The following RPP40 variants were observed in gnomAD, a reference collection of about 807,000 sequenced individuals.
The protein encoded by RPP40 is ribonuclease P protein subunit p40.
Under a neutral mutation model 42.5 loss-of-function variants are expected in RPP40, and 30 were observed. The ratio of observed to expected loss-of-function variants is 0.71; its 90% CI spans 0.53 to 0.96. The LOEUF is 0.96. Among genes scored for constraint, RPP40 ranks in the 40% least tolerant of loss-of-function variants. The pLI, the probability that RPP40 is intolerant of heterozygous loss-of-function variation, is 0.00. For synonymous variants in RPP40, 173 were observed against 164.0 expected (o/e 1.05, Z -0.42); for missense variants, 426 against 433.5 (o/e 0.98, Z 0.15).
At chr6:4,992,386 A>G (rs12333022), downstream of RPP40, among the ~76,000 whole-genome samples, 17,797 of 131,198 alleles carry the variant, frequency 0.14, 1,305 homozygotes, top group Non-Finnish European at 0.16. Flanking sequence ...AAAAAAAAAA[A>G]AAGAAGAAGA....
downstream of RPP40, among the ~76,000 whole-genome samples, chr6:4,993,614 G>A (rs1759291387): frequency 6.6e-6 from 1 of 152,066 alleles, no homozygotes; most frequent in African/African-American, 2.4e-5. Flanking sequence ...TTTTGCTTCT[G>A]CCAGTTACCT....
chr6:4,998,323 G>A (rs1380263530), intron 5 of RPP40, among the ~76,000 whole-genome samples: 1 of 152,208 alleles, frequency 6.6e-6, no homozygotes, highest in African/African-American at 2.4e-5. Context: ...TTTAATGGTA[G>A]GCCTGAGTCA....
chr6:4,992,210 C>CA (rs762421076), downstream of RPP40, among the ~76,000 whole-genome samples: 50 of 150,348 alleles, frequency 3.3e-4, no homozygotes, highest in South Asian at 8.4e-4. Flanking sequence ...AAAAACGAAA[C>CA]AAAAAAAAAC....
chr6:4,989,628 A>G, the RPP40 span, among the ~76,000 whole-genome samples: 6 of 152,164 alleles, frequency 3.9e-5, no homozygotes, highest in Admixed American at 6.5e-5. Context: ...TGTAGTTTTC[A>G]GTGTACAGTA....
intron 6 of RPP40, 33 bp from the exon 7 acceptor site, chr6:4,996,118 A>G (rs1759371021): frequency 6.2e-7 from 1 of 1,610,384 alleles, no homozygotes; most frequent in Non-Finnish European, 8.5e-7. Flanking sequence ...GAGAGAGATA[A>G]CACATGTATA....
downstream of RPP40, among the ~76,000 whole-genome samples, chr6:4,992,609 G>C (rs1759277223): frequency 6.6e-6 from 1 of 151,892 alleles, no homozygotes; most frequent in African/African-American, 2.4e-5. Context: ...TACATTTCTT[G>C]TAGGCAGAAT....
downstream of RPP40, among the ~76,000 whole-genome samples, chr6:4,990,294 T>C (rs1313017880): frequency 3.3e-5 from 5 of 152,266 alleles, no homozygotes; most frequent in Non-Finnish European, 7.3e-5. Context: ...TTTTATTACC[T>C]GTTTCTTATC....
chr6:5,001,112 A>T, intron 2 of RPP40: 1 of 456,762 alleles, frequency 2.2e-6, no homozygotes, highest in Non-Finnish European at 4.4e-6. Flanking sequence ...ATGCGCGGAG[A>T]GGGGTCCAAA....
At chr6:5,001,354 T>TA (rs1759552321) in intron 2 of RPP40, among the ~76,000 whole-genome samples, 1 of 152,176 alleles carries the variant, frequency 6.6e-6, no homozygotes, top group Non-Finnish European at 1.5e-5. Flanking sequence ...ATGAAAGGAA[T>TA]AACGGTGATG....
chr6:4,999,726 A>G (rs1759493671), intron 4 of RPP40, 83 bp downstream of exon 4: 3 of 803,748 alleles, frequency 3.7e-6, no homozygotes, highest in Non-Finnish European at 2.1e-6. Flanking sequence ...TTTTTTGAAC[A>G]AAGAGATTAG....
At chr6:4,992,647 A>T (rs942929118), downstream of RPP40, among the ~76,000 whole-genome samples, 3 of 152,006 alleles carry the variant, frequency 2.0e-5, no homozygotes, top group Admixed American at 2.0e-4. Flanking sequence ...TTTTCAATCC[A>T]GTCTGAAAAT....
downstream of RPP40, among the ~76,000 whole-genome samples, chr6:4,993,012 T>G (rs1228799005): frequency 6.6e-6 from 1 of 152,222 alleles, no homozygotes; most frequent in East Asian, 1.9e-4. Flanking sequence ...CAAGCTATTG[T>G]GGTCATCCAT....
In RPP40 at chr6:4,996,045, G is replaced by A; in HGVS notation, c.799C>T (p.Pro267Ser). 1.2e-6 allele frequency: 2 copies of A among 1,614,020 alleles called. No homozygotes were observed. The highest frequency in any genetic ancestry group is 1.7e-6 in the Non-Finnish European group (2 of 1,179,946). Residue 267 changes from proline to serine, a missense_variant, in exon 7 of 8, where the codon CCT (proline) becomes TCT (serine). Coordinates refer to ENST00000380051, the MANE Select transcript of RPP40 (RefSeq NM_006638.4). Reference protein sequence around the residue: ...PNNFISTYCCPEPSTVVAKAY... With the variant: ...PNNFISTYCCSEPSTVVAKAY... ...TTTGCCACCACTGTGCTTGGCTCAG[G>A]ACAGCAATAGGTTGATATGAAATTA...
chr6:4,991,895 G>A (rs1759265461), downstream of RPP40, among the ~76,000 whole-genome samples: 1 of 152,104 alleles, frequency 6.6e-6, no homozygotes, highest in African/African-American at 2.4e-5. Context: ...ACAAGATCTG[G>A]TTGTTTAAAA....
intron 5 of RPP40, among the ~76,000 whole-genome samples, chr6:4,998,251 G>C (rs1464237575): frequency 6.6e-6 from 1 of 152,222 alleles, no homozygotes; most frequent in East Asian, 1.9e-4. Flanking sequence ...GTGGTGAATA[G>C]CAAACTTTGA....
chr6:4,998,284 A>G (rs943306156), intron 5 of RPP40, among the ~76,000 whole-genome samples: 1 of 152,260 alleles, frequency 6.6e-6, no homozygotes, highest in Admixed American at 6.5e-5. Flanking sequence ...GTCCTAATCA[A>G]TTAAAAGTTA....
At chr6:5,003,428 A>T (rs1759643200) in intron 1 of RPP40, among the ~76,000 whole-genome samples, 1 of 151,650 alleles carries the variant, frequency 6.6e-6, no homozygotes, top group Admixed American at 6.6e-5. Context: ...ATCCACAGGT[A>T]CGCAGGTGGG....
In RPP40 at chr6:4,998,729, A is replaced by G. The variant is rs1749144; in HGVS notation, c.546T>C (p.Ala182=). 408,040 of 1,536,224 alleles carry G rather than the reference A, an allele frequency of 0.27. 57,855 individuals are homozygous for G. The highest frequency in any genetic ancestry group is 0.49 in the African/African-American group (35,131 of 71,388). The change falls in exon 5 of 8, where the codon GCT becomes GCC. Residue 182 remains alanine (A), a synonymous_variant. Coordinates refer to ENST00000380051, the MANE Select transcript of RPP40 (RefSeq NM_006638.4). ...KKPLKFDFLL[A]WHKTGSEEST... ...TATTCCTCATACCTGTTTTATGCCA[A>G]GCCAAAAGAAAATCAAATTTCAATG...
Position 5,002,194 on chromosome 6 carries a change from G to T in RPP40, c.175C>A (p.Leu59Met). 6.2e-7 allele frequency: 1 copy of T among 1,613,066 alleles called. No homozygotes were observed. The highest frequency in any genetic ancestry group is 8.5e-7 in the Non-Finnish European group (1 of 1,179,132). The change falls in exon 2 of 8, where the codon CTG (leucine) becomes ATG (methionine). Residue 59 changes from leucine to methionine, a missense_variant. Transcript: ENST00000380051. ...TAATAGGGTCCAGTGTTCATGACCAGGTTTTTCAGTTCTTCCGATAGTATC... is the reference window on the plus strand; with the variant it reads ...TAATAGGGTCCAGTGTTCATGACCATGTTTTTCAGTTCTTCCGATAGTATC... ...CGILSEELKN[L>M]VMNTGPYYFV...
Sources: gnomAD v4.1 joint callset for allele counts (sites outside exome capture counted in the v4.1 genomes callset) on GRCh38, gnomAD v4.1.1 for gene constraint, MANE v1.5 for transcripts, NCBI Gene and HGNC (gene_info 2026-07-23, HGNC 2026-07-21) for gene names.